The following GRM5 variants were observed in gnomAD, a reference collection of about 807,000 sequenced individuals.
GRM5 encodes the protein metabotropic glutamate receptor 5.
A neutral mutation model predicts 83.1 loss-of-function variants in GRM5; 19 were observed. The ratio of observed to expected loss-of-function variants is 0.23; its 90% CI spans 0.16 to 0.34. The LOEUF (loss-of-function observed/expected upper bound fraction) is 0.34, where lower values mean the gene tolerates loss of function less well. Among genes scored for constraint, GRM5 ranks in the 10% least tolerant of loss-of-function variants. The pLI, the probability that GRM5 is intolerant of heterozygous loss-of-function variation, is 1.00. For missense variants in GRM5, 1,160 were observed against 1,588.3 expected, an observed-to-expected ratio of 0.73 and a Z score of 4.58; for synonymous variants, 675 against 633.6, an observed-to-expected ratio of 1.07 and a Z score of -0.98.
intron 4 of GRM5, among the ~76,000 whole-genome samples, chr11:88,610,655 C>T (rs143916733): frequency 3.6e-4 from 55 of 152,288 alleles, no homozygotes; most frequent in African/African-American, 1.3e-3. Context: ...AGATTCATAT[C>T]GTCTGCAAAA....
At chr11:88,833,261 TA>T (rs796930729) in intron 3 of GRM5, among the ~76,000 whole-genome samples, 268 of 148,536 alleles carry the variant, frequency 1.8e-3, no homozygotes, top group Middle Eastern at 0.01. Context: ...CTTAACAGCT[TA>T]AAAAAAAAAC....
intron 8 of GRM5, among the ~76,000 whole-genome samples, chr11:88,536,845 G>A (rs1261398798): frequency 6.6e-6 from 1 of 152,170 alleles, no homozygotes; most frequent in African/African-American, 2.4e-5. Context: ...GTCATAAAGT[G>A]AAGAGAGAAA....
intron 8 of GRM5, among the ~76,000 whole-genome samples, chr11:88,539,617 C>A (rs185719537): frequency 5.3e-5 from 8 of 152,292 alleles, no homozygotes; most frequent in African/African-American, 1.4e-4. Context: ...CCCCCTAATA[C>A]TTATGAAATA....
chr11:88,636,230 T>C (rs1041796577), intron 4 of GRM5, among the ~76,000 whole-genome samples: 1 of 152,190 alleles, frequency 6.6e-6, no homozygotes, highest in African/African-American at 2.4e-5. Flanking sequence ...AAAAAGATTC[T>C]GCCAGGCACG....
At chr11:88,549,817 C>T (rs550587770) in intron 8 of GRM5, among the ~76,000 whole-genome samples, 59 of 152,144 alleles carry the variant, frequency 3.9e-4, no homozygotes, top group African/African-American at 1.4e-3. Context: ...TGTATACCCG[C>T]TGAACTCAAT....
At chr11:88,660,426 A>G (rs940738899) in intron 3 of GRM5, among the ~76,000 whole-genome samples, 1 of 152,180 alleles carries the variant, frequency 6.6e-6, no homozygotes, top group Non-Finnish European at 1.5e-5. Flanking sequence ...TGAACTCTCA[A>G]ATGGCAACAT....
intron 9 of GRM5, chr11:88,512,447 C>T (rs1025177339): frequency 6.5e-5 from 10 of 154,234 alleles, no homozygotes; most frequent in African/African-American, 1.4e-4. Context: ...TCCCTACTCA[C>T]GACATTATTC....
intron 3 of GRM5, among the ~76,000 whole-genome samples, chr11:88,720,843 T>TGTGTGTGTGC (rs1452678761): frequency 6.7e-6 from 1 of 149,070 alleles, no homozygotes; most frequent in Admixed American, 6.8e-5. Context: ...TGTGTGTGTG[T>TGTGTGTGTGC]GCCTGTATTG....
chr11:88,820,032 A>G (rs1943759098), intron 3 of GRM5, among the ~76,000 whole-genome samples: 1 of 152,088 alleles, frequency 6.6e-6, no homozygotes, highest in South Asian at 2.1e-4. Context: ...ACACTGTTGT[A>G]CTGGGGATTA....
intron 3 of GRM5, among the ~76,000 whole-genome samples, chr11:88,803,377 C>T (rs549514741): frequency 6.6e-6 from 1 of 152,126 alleles, no homozygotes; most frequent in South Asian, 2.1e-4. Context: ...TCAGAAATAA[C>T]ACCGCATATC....
intron 2 of GRM5, among the ~76,000 whole-genome samples, chr11:88,936,873 C>T (rs556526323): frequency 3.3e-5 from 5 of 151,724 alleles, no homozygotes; most frequent in Admixed American, 6.6e-5. Flanking sequence ...AGGAGCAAAG[C>T]CTGGACATAG....
intron 2 of GRM5, among the ~76,000 whole-genome samples, chr11:88,892,843 C>A (rs1388401745): frequency 6.6e-6 from 1 of 152,002 alleles, no homozygotes; most frequent in African/African-American, 2.4e-5. Flanking sequence ...AATTATTCTG[C>A]AAATTCTGCC....
intron 1 of GRM5, among the ~76,000 whole-genome samples, chr11:89,065,456 T>C (rs1208845589): frequency 1.3e-5 from 2 of 151,888 alleles, no homozygotes; most frequent in Admixed American, 6.6e-5. Context: ...CCCTCACTTA[T>C]GCAAATAAAA....
At chr11:88,978,172 T>C (rs1291951701) in intron 2 of GRM5, among the ~76,000 whole-genome samples, 3 of 152,160 alleles carry the variant, frequency 2.0e-5, no homozygotes, top group Admixed American at 6.5e-5. Flanking sequence ...GTAGTTAATG[T>C]TGTATTGTAC....
intron 2 of GRM5, among the ~76,000 whole-genome samples, chr11:89,028,053 C>A (rs923748454): frequency 3.7e-4 from 57 of 152,296 alleles, no homozygotes; most frequent in African/African-American, 1.3e-3. Context: ...GCATTCAAGG[C>A]ACTATCTTAG....
intron 4 of GRM5, among the ~76,000 whole-genome samples, chr11:88,636,963 G>A (rs1050126589): frequency 6.6e-6 from 1 of 152,134 alleles, no homozygotes; most frequent in Non-Finnish European, 1.5e-5. Flanking sequence ...AGCCTTGTAG[G>A]ATAGTTTGAA....
At chr11:88,770,753 T>A (rs1403454748) in intron 3 of GRM5, among the ~76,000 whole-genome samples, 1 of 152,112 alleles carries the variant, frequency 6.6e-6, no homozygotes, top group African/African-American at 2.4e-5. Context: ...TGATAGGGGT[T>A]ACATTTTGGG....
intron 7 of GRM5, among the ~76,000 whole-genome samples, chr11:88,569,517 A>C (rs1370378182): frequency 6.6e-6 from 1 of 152,240 alleles, no homozygotes; most frequent in East Asian, 1.9e-4. Flanking sequence ...TCAGCCAATA[A>C]CATGTACACA....
At chr11:88,929,838 T>A (rs1179809127) in intron 2 of GRM5, among the ~76,000 whole-genome samples, 1 of 152,172 alleles carries the variant, frequency 6.6e-6, no homozygotes, top group Non-Finnish European at 1.5e-5. Context: ...TGAATCACTA[T>A]ATGCATAAGT....
Sources: allele counts gnomAD v4.1 joint callset (sites outside exome capture counted in the v4.1 genomes callset), GRCh38; gene constraint gnomAD v4.1.1; transcripts MANE v1.5; gene names NCBI Gene and HGNC (gene_info 2026-07-23, HGNC 2026-07-21).